The following CACHD1 variants were observed in gnomAD, a reference collection of about 807,000 sequenced individuals.
The protein encoded by CACHD1 is VWFA and cache domain-containing protein 1.
Under a neutral mutation model 138.7 loss-of-function variants are expected in CACHD1, and 71 were observed. That is an observed-to-expected ratio of 0.51 (90% CI 0.42 to 0.62). The LOEUF (loss-of-function observed/expected upper bound fraction) is 0.62. Ranked by LOEUF, CACHD1 falls within the 20% of genes least tolerant of loss-of-function variation. The probability of loss-of-function intolerance (pLI) is 0.00; values close to 1 mark genes in which losing one functional copy is unlikely to be tolerated. For synonymous variants in CACHD1, 578 were observed against 591.5 expected (o/e 0.98, Z 0.33); for missense variants, 1,389 against 1,625.3 (o/e 0.85, Z 2.50).
At chr1:64,633,384 C>G (rs1186771039) in intron 6 of CACHD1, among the ~76,000 whole-genome samples, 1 of 152,122 alleles carries the variant, frequency 6.6e-6, no homozygotes, top group African/African-American at 2.4e-5. Flanking sequence ...TAGTCTTATA[C>G]TTCTTTATGG....
At chr1:64,627,703 C>A (rs1246345238) in intron 4 of CACHD1, among the ~76,000 whole-genome samples, 1 of 152,130 alleles carries the variant, frequency 6.6e-6, no homozygotes, top group Non-Finnish European at 1.5e-5. Flanking sequence ...TTAGTCCACC[C>A]ACTTTTATTT....
intron 26 of CACHD1, among the ~76,000 whole-genome samples, chr1:64,686,994 T>A (rs1650391889): frequency 6.6e-6 from 1 of 152,154 alleles, no homozygotes; most frequent in Non-Finnish European, 1.5e-5. Context: ...TTAGGAACTA[T>A]CAGATAAATA....
At chr1:64,635,682 CTAATT>C (rs1162932148) in intron 7 of CACHD1, among the ~76,000 whole-genome samples, 13 of 151,560 alleles carry the variant, frequency 8.6e-5, no homozygotes, top group Admixed American at 8.5e-4. Context: ...CGCCTGGCCT[CTAATT>C]TAATTTTTAT....
chr1:64,476,104 AAGC>A (rs57837863), intron 1 of CACHD1, among the ~76,000 whole-genome samples: 61 of 151,132 alleles, frequency 4.0e-4, no homozygotes, highest in Admixed American at 7.3e-4. Flanking sequence ...GTCCTGAAGG[AAGC>A]AGCAGCAGCA....
At chr1:64,668,755 A>G (rs1649722190) in intron 16 of CACHD1, among the ~76,000 whole-genome samples, 1 of 151,858 alleles carries the variant, frequency 6.6e-6, no homozygotes, top group Non-Finnish European at 1.5e-5. Context: ...GCAGAGTGTG[A>G]TTTTACTATT....
At chr1:64,598,493 T>C (rs983183598) in intron 3 of CACHD1, among the ~76,000 whole-genome samples, 1 of 152,202 alleles carries the variant, frequency 6.6e-6, no homozygotes. Flanking sequence ...CGTTACTCAG[T>C]CAACCAGTAA....
At chr1:64,664,826 G>A (rs1165464457) in intron 15 of CACHD1, 147 bp downstream of exon 15, 2 of 651,772 alleles carry the variant, frequency 3.1e-6, no homozygotes, top group South Asian at 5.8e-5. Context: ...AGTTTTTTCA[G>A]TGCAGCATTA....
At chr1:64,622,399 T>C (rs771531569) in intron 4 of CACHD1, among the ~76,000 whole-genome samples, 12 of 152,358 alleles carry the variant, frequency 7.9e-5, no homozygotes, top group Non-Finnish European at 1.8e-4. Context: ...GTTCAGCAGT[T>C]TGTTTTTCTT....
chr1:64,678,270 G>A lies in CACHD1; in HGVS notation c.3204G>A (p.Val1068=), dbSNP rs368444781. Residue 1068 remains valine, a synonymous_variant, in exon 23 of 27, where the codon GTG becomes GTA. Coordinates refer to ENST00000651257, the MANE Select transcript of CACHD1 (RefSeq NM_020925.4). ...APQKECFGGI[V]GAKSPYVDDM... ...AGAAAGAATGCTTCGGGGGGATTGT[G>A]GGAGCCAAAAGTCCCTACGTTGATG... 74 of 1,599,700 alleles carry A rather than the reference G, an allele frequency of 4.6e-5. No individual in the cohort carries two copies. In the African/African-American group the frequency reaches 8.0e-4, roughly 17 times the overall value.
At chr1:64,684,934 C>T (rs1295521150) in intron 26 of CACHD1, among the ~76,000 whole-genome samples, 1 of 152,166 alleles carries the variant, frequency 6.6e-6, no homozygotes, top group African/African-American at 2.4e-5. Flanking sequence ...TTCAGCCTCC[C>T]AAGTAACTGG....
chr1:64,633,111 G>A (rs917762159), intron 6 of CACHD1, among the ~76,000 whole-genome samples: 30 of 152,166 alleles, frequency 2.0e-4, no homozygotes, highest in African/African-American at 6.8e-4. Context: ...GCTGCGGCTC[G>A]CTGCCATTGT....
At chr1:64,509,868 G>A (rs1038708532) in intron 1 of CACHD1, among the ~76,000 whole-genome samples, 16 of 152,150 alleles carry the variant, frequency 1.1e-4, no homozygotes, top group East Asian at 1.9e-4. Context: ...TGTCTTGCAC[G>A]ATTACTGTTA....
chr1:64,556,773 T>C (rs1440441765), intron 2 of CACHD1, among the ~76,000 whole-genome samples: 2 of 152,240 alleles, frequency 1.3e-5, no homozygotes, highest in East Asian at 3.8e-4. Flanking sequence ...TATGTAGTTT[T>C]GCTGCCAAAG....
At chr1:64,479,010 C>T (rs1283159726) in intron 1 of CACHD1, among the ~76,000 whole-genome samples, 1 of 151,772 alleles carries the variant, frequency 6.6e-6, no homozygotes, top group African/African-American at 2.4e-5. Flanking sequence ...ACTATGTGGG[C>T]CAAACCAAAC....
At chr1:64,508,559 A>G (rs1646394740) in intron 1 of CACHD1, among the ~76,000 whole-genome samples, 1 of 152,226 alleles carries the variant, frequency 6.6e-6, no homozygotes, top group Non-Finnish European at 1.5e-5. Context: ...CTTAAATGAA[A>G]TGGACCTGCC....
At chr1:64,499,400 A>C (rs562678578) in intron 1 of CACHD1, among the ~76,000 whole-genome samples, 6 of 152,246 alleles carry the variant, frequency 3.9e-5, no homozygotes, top group African/African-American at 9.6e-5. Flanking sequence ...CAATGGCAGA[A>C]GACAGGCCAG....
intron 1 of CACHD1, among the ~76,000 whole-genome samples, chr1:64,500,437 T>A (rs2100320497): frequency 6.6e-6 from 1 of 152,350 alleles, no homozygotes; most frequent in South Asian, 2.1e-4. Flanking sequence ...ATTTCTCACA[T>A]GCCTAATAAA....
At chr1:64,471,349 A>T (rs1483171282) in intron 1 of CACHD1, among the ~76,000 whole-genome samples, 1 of 152,186 alleles carries the variant, frequency 6.6e-6, no homozygotes, top group Non-Finnish European at 1.5e-5. Context: ...ATCCCAGAGC[A>T]GCCAGCCCCG....
chr1:64,552,156 C>G (rs1348376008), intron 2 of CACHD1, among the ~76,000 whole-genome samples: 1 of 151,720 alleles, frequency 6.6e-6, no homozygotes, highest in African/African-American at 2.4e-5. Context: ...AAGTTTTTTC[C>G]CCCCACCCCC....
Sources: allele counts gnomAD v4.1 joint callset (sites outside exome capture counted in the v4.1 genomes callset), GRCh38; gene constraint gnomAD v4.1.1; transcripts MANE v1.5; gene names NCBI Gene and HGNC (gene_info 2026-07-23, HGNC 2026-07-21).